The following NOL4 variants were observed in gnomAD, a reference collection of about 807,000 sequenced individuals.
NOL4 encodes nucleolar protein 4.
NOL4 carries 17 observed loss-of-function variants against 75.9 expected under a neutral mutation model. The ratio of observed to expected loss-of-function variants is 0.22; its 90% confidence interval spans 0.15 to 0.34. The LOEUF is 0.34. Ranked by LOEUF, NOL4 falls within the 10% of genes least tolerant of loss-of-function variation. The pLI, the probability that NOL4 is intolerant of heterozygous loss-of-function variation, is 1.00. For missense variants in NOL4, 614 were observed against 793.5 expected, an observed-to-expected ratio of 0.77 and a Z score of 2.72; for synonymous variants, 292 against 289.9, an observed-to-expected ratio of 1.01 and a Z score of -0.07.
intron 6 of NOL4, among the ~76,000 whole-genome samples, chr18:33,997,654 T>C (rs2073394023): frequency 6.7e-6 from 1 of 148,572 alleles, no homozygotes; most frequent in Non-Finnish European, 1.5e-5. Flanking sequence ...TAAGTATATA[T>C]ACTTTACATA....
chr18:33,939,598 C>T (rs781192457), intron 9 of NOL4, among the ~76,000 whole-genome samples: 2 of 152,044 alleles, frequency 1.3e-5, no homozygotes, highest in African/African-American at 2.4e-5. Context: ...TATAGGAATG[C>T]TTGTGATTTT....
chr18:33,951,986 C>T (rs749390959), intron 8 of NOL4, among the ~76,000 whole-genome samples: 28 of 152,182 alleles, frequency 1.8e-4, no homozygotes, highest in Non-Finnish European at 3.2e-4. Flanking sequence ...CTTTTTCTAT[C>T]TTTCTAAGTT....
intron 1 of NOL4, among the ~76,000 whole-genome samples, chr18:34,133,161 A>G (rs2080735508): frequency 6.6e-6 from 1 of 151,654 alleles, no homozygotes; most frequent in African/African-American, 2.4e-5. Context: ...AATCCCAGCT[A>G]CTTGGGAGGC....
At chr18:33,882,206 G>A (rs1258774118) in intron 10 of NOL4, among the ~76,000 whole-genome samples, 1 of 152,072 alleles carries the variant, frequency 6.6e-6, no homozygotes, top group Non-Finnish European at 1.5e-5. Context: ...TTGACAAATG[G>A]GATCTAATTA....
At chr18:34,165,542 T>A (rs2032223457) in intron 1 of NOL4, among the ~76,000 whole-genome samples, 1 of 152,186 alleles carries the variant, frequency 6.6e-6, no homozygotes, top group Admixed American at 6.5e-5. Flanking sequence ...AAGTGCTGCT[T>A]TATTTCTGTC....
At chr18:34,023,730 G>A (rs1369261091) in intron 5 of NOL4, 1 of 257,358 alleles carries the variant, frequency 3.9e-6, no homozygotes, top group South Asian at 4.3e-5. Flanking sequence ...GTTGGACGTC[G>A]GGAGTTAACT....
At chr18:34,031,237 T>A (rs986507114) in intron 5 of NOL4, among the ~76,000 whole-genome samples, 1 of 152,204 alleles carries the variant, frequency 6.6e-6, no homozygotes, top group African/African-American at 2.4e-5. Context: ...TCTAGCGCAG[T>A]GCTAGTCCCC....
chr18:33,884,264 ATGTG>A (rs746887373), intron 9 of NOL4, among the ~76,000 whole-genome samples: 123 of 151,538 alleles, frequency 8.1e-4, no homozygotes, highest in Middle Eastern at 3.4e-3. Flanking sequence ...TCCTCTGTGT[ATGTG>A]TGTGTGTGTC....
intron 10 of NOL4, among the ~76,000 whole-genome samples, chr18:33,864,190 G>A (rs1405980889): frequency 6.6e-6 from 1 of 152,118 alleles, no homozygotes; most frequent in African/African-American, 2.4e-5. Flanking sequence ...TCTCTGACAT[G>A]CCCTGGAGAC....
intron 6 of NOL4, among the ~76,000 whole-genome samples, chr18:34,000,750 T>C (rs1185180208): frequency 6.6e-6 from 1 of 152,070 alleles, no homozygotes; most frequent in Non-Finnish European, 1.5e-5. Flanking sequence ...AACAAAAATA[T>C]CCATATTATT....
intron 6 of NOL4, among the ~76,000 whole-genome samples, chr18:33,983,280 A>C (rs1600144330): frequency 6.6e-6 from 1 of 152,140 alleles, no homozygotes; most frequent in Non-Finnish European, 1.5e-5. Context: ...ACACTTGTCA[A>C]CAGCCATAGA....
intron 5 of NOL4, among the ~76,000 whole-genome samples, chr18:34,053,360 GC>G (rs1322428074): frequency 6.6e-6 from 1 of 151,892 alleles, no homozygotes; most frequent in Non-Finnish European, 1.5e-5. Flanking sequence ...AAACTAAAAA[GC>G]CAAGGACCAT....
intron 10 of NOL4, among the ~76,000 whole-genome samples, chr18:33,875,696 G>C (rs1007001591): frequency 6.6e-6 from 1 of 151,828 alleles, no homozygotes; most frequent in South Asian, 2.1e-4. Flanking sequence ...TGCCATCCAA[G>C]GTACATAATT....
chr18:33,900,663 C>CTT (rs2065694733), intron 9 of NOL4, among the ~76,000 whole-genome samples: 3 of 152,134 alleles, frequency 2.0e-5, no homozygotes, highest in Non-Finnish European at 4.4e-5. Context: ...GCCATGAAAA[C>CTT]TGTTTTACCC....
intron 6 of NOL4, among the ~76,000 whole-genome samples, chr18:33,996,990 C>A (rs142563836): frequency 1.1e-3 from 166 of 151,916 alleles, no homozygotes; most frequent in South Asian, 8.3e-3. Flanking sequence ...CTTACGCATT[C>A]TGGATGTTGA....
At chr18:34,049,655 C>T (rs180828045) in intron 5 of NOL4, among the ~76,000 whole-genome samples, 1 of 152,160 alleles carries the variant, frequency 6.6e-6, no homozygotes, top group Admixed American at 6.6e-5. Flanking sequence ...CTTAATTTCC[C>T]CGTAATCTTT....
chr18:34,096,871 C>A (rs180954518), intron 4 of NOL4, among the ~76,000 whole-genome samples: 268 of 152,204 alleles, frequency 1.8e-3, no homozygotes, highest in Non-Finnish European at 3.1e-3. Flanking sequence ...GCTTTTATTT[C>A]TATCTTCAGA....
intron 6 of NOL4, among the ~76,000 whole-genome samples, chr18:34,013,360 C>T (rs935862745): frequency 6.6e-6 from 1 of 151,856 alleles, no homozygotes; most frequent in Non-Finnish European, 1.5e-5. Context: ...AGACTTCTCC[C>T]TTCTTATGCC....
chr18:33,888,990 C>T (rs1041050184), intron 9 of NOL4, among the ~76,000 whole-genome samples: 1 of 151,898 alleles, frequency 6.6e-6, no homozygotes, highest in African/African-American at 2.4e-5. Flanking sequence ...AAATCAAAAG[C>T]TAGCAGAAGG....
Sources: allele counts gnomAD v4.1 joint callset (sites outside exome capture counted in the v4.1 genomes callset), GRCh38; gene constraint gnomAD v4.1.1; transcripts MANE v1.5; gene names NCBI Gene and HGNC (gene_info 2026-07-23, HGNC 2026-07-21).